The following PCDHA2 variants were observed in gnomAD, a reference collection of about 807,000 sequenced individuals.
PCDHA2 encodes the protein protocadherin alpha 2, also known as protocadherin alpha-2.
In PCDHA2, 58 loss-of-function variants were observed where a neutral mutation model predicts 66.0. The ratio of observed to expected loss-of-function variants is 0.88; its 90% CI spans 0.71 to 1.09. PCDHA2 has a LOEUF of 1.09. PCDHA2 is among the 50% of genes least tolerant of loss of function. The pLI, the probability that PCDHA2 is intolerant of heterozygous loss-of-function variation, is 0.00. For synonymous variants in PCDHA2, 634 were observed against 554.0 expected (o/e 1.14, Z -2.03); for missense variants, 1,267 against 1,242.3 (o/e 1.02, Z -0.30).
rs189949937 is a variant in PCDHA2 at position 140,920,653 on chromosome 5, T to C, written c.2389-58296T>C. On this transcript the variant is annotated intron_variant, in intron 1 of 3. Coordinates refer to ENST00000526136, the MANE Select transcript of PCDHA2 (RefSeq NM_018905.3). ...AAGGTCAAGAGATTGAGACCATCCT[T>C]GCCAACATGGTGAAACCCCATCTCT... is the stretch of plus-strand genomic sequence containing the variant. Among the ~76,000 whole-genome samples, 1,219 of 152,042 alleles carry C rather than the reference T, an allele frequency of 8.0e-3. 5 individuals carry two copies. Among genetic ancestry groups the C allele is most frequent in the African/African-American group, 0.019 (786 of 41,502 alleles).
chr5:141,001,749 T>C (rs1554258292), intron 3 of PCDHA2, among the ~76,000 whole-genome samples: 1 of 152,090 alleles, frequency 6.6e-6, no homozygotes, highest in African/African-American at 2.4e-5. Flanking sequence ...GCTGTTTCAG[T>C]GGTTGATGGC....
At chr5:140,860,513 C>A (rs1176536406) in intron 1 of PCDHA2, 3 of 152,110 alleles carry the variant, frequency 2.0e-5, no homozygotes, top group African/African-American at 7.2e-5. Context: ...AGATAAAACT[C>A]TTCATGGAAT....
chr5:141,009,562 C>T, intron 3 of PCDHA2, 65 bp from the exon 4 acceptor site: 7 of 1,571,344 alleles, frequency 4.5e-6, no homozygotes, highest in Non-Finnish European at 6.0e-6. Flanking sequence ...CTGTACTCTA[C>T]CAGCAGTGTG....
At chr5:140,837,576 C>G (rs568317651) in intron 1 of PCDHA2, among the ~76,000 whole-genome samples, 3 of 151,836 alleles carry the variant, frequency 2.0e-5, no homozygotes, top group Non-Finnish European at 4.4e-5. Context: ...TTACAATCAC[C>G]AAATTGTAAA....
chr5:140,830,474 C>T (rs1771087062), intron 1 of PCDHA2: 1 of 1,550,922 alleles, frequency 6.4e-7, no homozygotes, highest in Non-Finnish European at 8.7e-7. Context: ...AAATGAAGAT[C>T]ATGATGCCAA....
In PCDHA2 at chr5:140,850,694, G is replaced by A. The variant is rs2150494629; in HGVS notation, c.2388+53342G>A. ...CGATGCCCACCGAGGGCGAGTGCGC[G>A]CCTGGCAAGCCGACGCTGGTGTGTT... On this transcript the variant is annotated intron_variant, in intron 1 of 3. Coordinates refer to ENST00000526136, the MANE Select transcript of PCDHA2 (RefSeq NM_018905.3). 483 of 1,598,228 alleles carry A rather than the reference G, an allele frequency of 3.0e-4. 44 individuals are homozygous for A. Among genetic ancestry groups the A allele is most frequent in the Non-Finnish European group, 3.8e-4 (449 of 1,167,808 alleles).
intron 1 of PCDHA2, chr5:140,835,670 C>G (rs1554135177): frequency 1.2e-6 from 2 of 1,613,852 alleles, no homozygotes; most frequent in East Asian, 2.2e-5. Context: ...CCGCGCGGGA[C>G]GGGGGCTCGC....
chr5:140,936,545 G>A (rs1456098221), intron 1 of PCDHA2, among the ~76,000 whole-genome samples: 1 of 152,202 alleles, frequency 6.6e-6, no homozygotes, highest in African/African-American at 2.4e-5. Context: ...ATAGTGCAAT[G>A]TAGAAGTCAA....
intron 1 of PCDHA2, chr5:140,841,282 T>A: frequency 6.5e-7 from 1 of 1,545,352 alleles, no homozygotes; most frequent in Non-Finnish European, 8.7e-7. Context: ...TTCATCTTTA[T>A]ATTAAGATAA....
At chr5:140,993,358 A>G (rs1197499617) in intron 3 of PCDHA2, among the ~76,000 whole-genome samples, 7 of 151,988 alleles carry the variant, frequency 4.6e-5, no homozygotes, top group Admixed American at 4.6e-4. Context: ...AGATCCTCAC[A>G]AAAACTACCT....
rs979749308 is a variant in PCDHA2 at position 140,800,854 on chromosome 5, G to C, written c.2388+3502G>C. 3 of 228,514 alleles carry C rather than the reference G, an allele frequency of 1.3e-5. No individual in the cohort carries two copies. The East Asian group carries it at 3.2e-4, about 24-fold the overall frequency. 14.2% of individuals were successfully genotyped at this position (228,514 alleles called of 1,614,324 possible). A position where few individuals can be genotyped will look rare whatever the true frequency, so the allele number is the denominator to read the frequency against. Reference sequence around the variant, plus strand: ...CAATTGATAGTGAATTAGTATAAAAGTTCTAAGGAAATATTTAGATAAAAT... The same window carrying C: ...CAATTGATAGTGAATTAGTATAAAACTTCTAAGGAAATATTTAGATAAAAT... On this transcript the variant is annotated intron_variant, in intron 1 of 3. Transcript: ENST00000526136.
At chr5:140,837,594 T>C (rs910412595) in intron 1 of PCDHA2, among the ~76,000 whole-genome samples, 2 of 151,720 alleles carry the variant, frequency 1.3e-5, no homozygotes, top group Admixed American at 6.6e-5. Flanking sequence ...AAATCGCCAA[T>C]ATATATATTT....
intron 1 of PCDHA2, among the ~76,000 whole-genome samples, chr5:140,855,119 T>C (rs2043346913): frequency 1.3e-5 from 2 of 149,812 alleles, no homozygotes; most frequent in African/African-American, 4.9e-5. Flanking sequence ...AGGCATTCTA[T>C]AGGTAATAAT....
chr5:140,968,124 G>A (rs202202452), intron 1 of PCDHA2: 59 of 1,614,008 alleles, frequency 3.7e-5, no homozygotes, highest in Non-Finnish European at 4.7e-5. Flanking sequence ...ACATCCCTGC[G>A]TACACTGAAG....
chr5:140,797,283 C>A lies in PCDHA2; in HGVS notation c.2319C>A (p.Ser773Arg). 1 of 1,614,220 alleles carries A rather than the reference C, an allele frequency of 6.2e-7. No individual in the cohort carries two copies. The highest frequency in any genetic ancestry group is 8.5e-7 in the Non-Finnish European group (1 of 1,180,044). The change falls in exon 1 of 4, where the codon AGC (serine) becomes AGA (arginine). Residue 773 changes from serine (S) to arginine (R), a missense_variant. Physicochemically the swap from Ser to Arg is moderately radical, Grantham distance 110. Coordinates refer to ENST00000526136, the MANE Select transcript of PCDHA2 (RefSeq NM_018905.3). ...CCAAGACGGACCTCATGGCCTTCAGCCCTAGCTTATCTCAAGGTCCAGACT... is the reference window on the plus strand; with the variant it reads ...CCAAGACGGACCTCATGGCCTTCAGACCTAGCTTATCTCAAGGTCCAGACT... ...DPPKTDLMAF[S>R]PSLSQGPDSA...
At chr5:140,833,144 G>A (rs1580756021) in intron 1 of PCDHA2, among the ~76,000 whole-genome samples, 1 of 152,142 alleles carries the variant, frequency 6.6e-6, no homozygotes, top group South Asian at 2.1e-4. Context: ...AAAGTGTGAA[G>A]CAATACGAAT....
At chr5:140,855,460 A>T (rs2150336256) in intron 1 of PCDHA2, among the ~76,000 whole-genome samples, 1 of 150,080 alleles carries the variant, frequency 6.7e-6, no homozygotes, top group African/African-American at 2.4e-5. Context: ...TAAACACCTC[A>T]CAGATAGTTG....
chr5:140,907,235 T>C, intron 1 of PCDHA2, among the ~76,000 whole-genome samples: 1 of 152,234 alleles, frequency 6.6e-6, no homozygotes, highest in East Asian at 1.9e-4. Context: ...TGTCACCTAG[T>C]TGACATTGTA....
chr5:140,859,389 T>C (rs1554152298), intron 1 of PCDHA2: 1 of 268,430 alleles, frequency 3.7e-6, no homozygotes, highest in Non-Finnish European at 6.7e-6. Context: ...TCTCTAGTCA[T>C]CTTAAACAGG....
Sources: gnomAD v4.1 joint callset for allele counts (sites outside exome capture counted in the v4.1 genomes callset) on GRCh38, gnomAD v4.1.1 for gene constraint, MANE v1.5 for transcripts, NCBI Gene and HGNC (gene_info 2026-07-23, HGNC 2026-07-21) for gene names.